The following GALNT18 variants were observed in gnomAD, a reference collection of about 807,000 sequenced individuals.
The protein encoded by GALNT18 is polypeptide N-acetylgalactosaminyltransferase 18, also known as GalNAc-transferase 18.
Under a neutral mutation model 69.5 loss-of-function variants are expected in GALNT18, and 44 were observed. That is an observed-to-expected ratio of 0.63 (90% CI 0.50 to 0.81). GALNT18 has a LOEUF of 0.81. Among genes scored for constraint, GALNT18 ranks in the 40% least tolerant of loss-of-function variants. The pLI is 0.00. For synonymous variants in GALNT18, 364 were observed against 318.2 expected (o/e 1.14, Z -1.53); for missense variants, 715 against 810.0 (o/e 0.88, Z 1.42).
At chr11:11,344,353 C>A (rs1352239) in intron 6 of GALNT18, among the ~76,000 whole-genome samples, 63,712 of 152,154 alleles carry the variant, frequency 0.42, 16,653 homozygotes, top group Non-Finnish European at 0.59. Flanking sequence ...TTCACTGTCA[C>A]TTTGCTGCAC....
chr11:11,274,685 T>C (rs1024997474), intron 10 of GALNT18, among the ~76,000 whole-genome samples: 3 of 152,248 alleles, frequency 2.0e-5, no homozygotes, highest in Non-Finnish European at 4.4e-5. Context: ...TTTCTCCTAA[T>C]GTTATTCCTC....
At chr11:11,371,892 C>A (rs550265271) in intron 6 of GALNT18, among the ~76,000 whole-genome samples, 1 of 152,144 alleles carries the variant, frequency 6.6e-6, no homozygotes, top group African/African-American at 2.4e-5. Context: ...TAACATAGAG[C>A]CTCTTGGGGA....
intron 9 of GALNT18, among the ~76,000 whole-genome samples, chr11:11,298,274 CAT>C (rs1849435333): frequency 6.6e-6 from 1 of 152,252 alleles, no homozygotes; most frequent in African/African-American, 2.4e-5. Context: ...AGAAAACACA[CAT>C]AGTTTTGTGC....
chr11:11,409,870 TC>T (rs1039405849), intron 3 of GALNT18, among the ~76,000 whole-genome samples: 8 of 152,208 alleles, frequency 5.3e-5, no homozygotes, highest in Non-Finnish European at 1.0e-4. Context: ...GTCACCTCTA[TC>T]CCTGCTATCT....
intron 1 of GALNT18, among the ~76,000 whole-genome samples, chr11:11,558,317 C>T (rs576272059): frequency 4.7e-4 from 72 of 152,168 alleles, no homozygotes; most frequent in African/African-American, 1.7e-3. Flanking sequence ...AAAGGCAATA[C>T]CTTGTAATAG....
chr11:11,428,138 G>C (rs1297100854), intron 3 of GALNT18, among the ~76,000 whole-genome samples: 1 of 152,238 alleles, frequency 6.6e-6, no homozygotes, highest in Non-Finnish European at 1.5e-5. Flanking sequence ...TGAAAAACAT[G>C]AAAGTCTTGC....
Position 11,387,953 on chromosome 11 carries a change from T to TA in GALNT18, c.596-8690dup, listed in dbSNP as rs542953128. On this transcript the variant is annotated intron_variant, in intron 3 of 10. Transcript: ENST00000227756. The surrounding 1 kb of genome is among the most constrained non-coding windows in gnomAD (Gnocchi z 4.6). ...AAATGCCTTCCCCGAGGTTCATTCT[T>TA]ATGTCTGCTACACTTAACAGCTGCA... Among the ~76,000 whole-genome samples the TA allele has an allele frequency of 2.0e-3, 308 of 152,374 alleles. 1 individual carries two copies. The highest frequency in any genetic ancestry group is 6.9e-3 in the African/African-American group (287 of 41,592).
chr11:11,316,768 C>T (rs1385305986), intron 9 of GALNT18, among the ~76,000 whole-genome samples: 1 of 152,226 alleles, frequency 6.6e-6, no homozygotes, highest in African/African-American at 2.4e-5. Flanking sequence ...TTCCTGCTCT[C>T]TCTTTTTGTG....
At chr11:11,514,096 C>T (rs4545548) in intron 1 of GALNT18, among the ~76,000 whole-genome samples, 60,959 of 152,120 alleles carry the variant, frequency 0.4, 13,243 homozygotes, top group East Asian at 0.72. Flanking sequence ...TTCTAAAATA[C>T]GCTCACTTAA....
intron 1 of GALNT18, among the ~76,000 whole-genome samples, chr11:11,580,012 G>A (rs1175161602): frequency 6.6e-6 from 1 of 152,196 alleles, no homozygotes; most frequent in African/African-American, 2.4e-5. Context: ...AAGGCCAGGT[G>A]GAGGGAGTCT....
At chr11:11,407,876 G>C (rs949911691) in intron 3 of GALNT18, among the ~76,000 whole-genome samples, 3 of 152,188 alleles carry the variant, frequency 2.0e-5, no homozygotes, top group Admixed American at 2.0e-4. Context: ...GGCCAGGGCA[G>C]AGCTCCCAGC....
chr11:11,581,269 C>A (rs1056740509), intron 1 of GALNT18, among the ~76,000 whole-genome samples: 1 of 152,218 alleles, frequency 6.6e-6, no homozygotes, highest in East Asian at 1.9e-4. Flanking sequence ...GCCAGTACAA[C>A]AGGCAGGCCT....
chr11:11,278,131 G>T (rs552764454), intron 10 of GALNT18, among the ~76,000 whole-genome samples: 15 of 151,910 alleles, frequency 9.9e-5, no homozygotes, highest in Non-Finnish European at 1.9e-4. Flanking sequence ...ATTGTGTGGG[G>T]GTCTAAGTCT....
rs982147917 is a variant in GALNT18 at position 11,564,269 on chromosome 11, T to C, written c.235+57090A>G. ...ACCTGAAGGCTCATCTTAAGAGATA[T>C]GCACCTGACTCTCTGTCAAGCCTCC... is the stretch of plus-strand genomic sequence containing the variant. On this transcript the variant is annotated intron_variant, in intron 1 of 10. Transcript: ENST00000227756. This position sits in a 1 kb window ranked among gnomAD's most constrained non-coding sequence, Gnocchi z 4.3. Among the ~76,000 whole-genome samples the C allele has an allele frequency of 3.9e-5, 6 of 152,200 alleles. No homozygotes were observed. Among genetic ancestry groups the C allele is most frequent in the Non-Finnish European group, 8.8e-5 (6 of 68,034 alleles).
At chr11:11,335,975 A>C (rs1452843286) in intron 7 of GALNT18, among the ~76,000 whole-genome samples, 2 of 152,200 alleles carry the variant, frequency 1.3e-5, no homozygotes, top group Non-Finnish European at 2.9e-5. Context: ...AATTCATGGT[A>C]ATTTGTTACC....
Position 11,421,143 on chromosome 11 carries a change from A to T in GALNT18, c.595+11478T>A, listed in dbSNP as rs1854995506. Among the ~76,000 whole-genome samples the T allele has an allele frequency of 6.6e-6, 1 of 152,070 alleles. No homozygotes were observed. The highest frequency in any genetic ancestry group is 1.5e-5 in the Non-Finnish European group (1 of 68,006). ...CTAAGACAGTTTCCTGTATCGAGTA[A>T]AGGGGACAAGAGGAGTGATGAGCTA... On this transcript the variant is annotated intron_variant, in intron 3 of 10. Transcript: ENST00000227756. This position sits in a 1 kb window ranked among gnomAD's most constrained non-coding sequence, Gnocchi z 5.6.
chr11:11,453,675 G>A (rs1186136210), intron 1 of GALNT18, among the ~76,000 whole-genome samples: 1 of 152,118 alleles, frequency 6.6e-6, no homozygotes, highest in Non-Finnish European at 1.5e-5. Flanking sequence ...CTGTTCTCAC[G>A]ATAGTGAATA....
In GALNT18 at chr11:11,421,724, C is replaced by A. The variant is rs538321373; in HGVS notation, c.595+10897G>T. ...GTCAAGGCCACCCACTGGGAAGAAA[C>A]AATACTTCTCTGCAGAGTCTCTGCA... On this transcript the variant is annotated intron_variant, in intron 3 of 10. Transcript: ENST00000227756. This position sits in a 1 kb window ranked among gnomAD's most constrained non-coding sequence, Gnocchi z 5.6. 2.1e-4 allele frequency among the ~76,000 whole-genome samples: 31 copies of A among 151,116 alleles called. No homozygotes were observed. Among genetic ancestry groups the A allele is most frequent in the Admixed American group, 3.9e-4 (6 of 15,250 alleles).
intron 3 of GALNT18, among the ~76,000 whole-genome samples, chr11:11,380,929 T>A (rs1266174111): frequency 6.6e-6 from 1 of 152,250 alleles, no homozygotes; most frequent in South Asian, 2.1e-4. Context: ...TTAAACAGTG[T>A]GACCCCTGTC....
Sources: gnomAD v4.1 joint callset for allele counts (sites outside exome capture counted in the v4.1 genomes callset) on GRCh38, gnomAD v4.1.1 for gene constraint, Gnocchi (gnomAD v3.1) non-coding constraint, MANE v1.5 for transcripts, NCBI Gene and HGNC (gene_info 2026-07-23, HGNC 2026-07-21) for gene names.